The following TMC4 variants were observed in gnomAD, a reference collection of about 807,000 sequenced individuals.
TMC4 encodes the protein transmembrane channel like 4.
In TMC4, 70 loss-of-function variants were observed where a neutral mutation model predicts 82.0. That is an observed-to-expected ratio of 0.85 (90% CI 0.70 to 1.04). TMC4 has a LOEUF of 1.04. TMC4 is among the 50% of genes least tolerant of loss of function. The pLI, the probability that TMC4 is intolerant of heterozygous loss-of-function variation, is 0.00. For synonymous variants in TMC4, 446 were observed against 406.0 expected (o/e 1.10, Z -1.18); for missense variants, 879 against 899.0 (o/e 0.98, Z 0.28).
intron 5 of TMC4, 29 bp from the exon 6 acceptor site, chr19:54,165,595 G>C: frequency 1.3e-6 from 2 of 1,586,058 alleles, no homozygotes; most frequent in Non-Finnish European, 1.7e-6. Context: ...GAGACGGGAA[G>C]TGAAAGGACA....
intron 1 of TMC4, chr19:54,172,738 T>C (rs2576452): frequency 0.61 from 200,269 of 330,992 alleles, 61,526 homozygotes; most frequent in East Asian, 0.69. Flanking sequence ...GTCCAGGCTT[T>C]AACTTCCTTT....
At chr19:54,172,997 C>T in intron 1 of TMC4, 42 bp downstream of exon 1, 1 of 1,579,498 alleles carries the variant, frequency 6.3e-7, no homozygotes, top group Non-Finnish European at 8.7e-7. Flanking sequence ...CCCACCTAGC[C>T]TGAAGGTCGG....
chr19:54,162,798 G>A (rs1289796756), intron 9 of TMC4, 28 bp from the exon 10 acceptor site: 1 of 1,604,746 alleles, frequency 6.2e-7, no homozygotes, highest in Non-Finnish European at 8.5e-7. Context: ...ATATCAGAAA[G>A]AACTCGGGAC....
In TMC4 at chr19:54,162,702, T is replaced by C; in HGVS notation, c.1473A>G (p.Ala491=). The change falls in exon 10 of 15, where the codon GCA becomes GCG. Residue 491 remains alanine (A), a synonymous_variant. Transcript: ENST00000619895. ...TAGGAAACTGGATGAGCAGCGCGACTGCCAAGACAGTCAGCAGATCAAAGA... is the reference window on the plus strand; with the variant it reads ...TAGGAAACTGGATGAGCAGCGCGACCGCCAAGACAGTCAGCAGATCAAAGA... ...LLLFDLLTVL[A]VALLIQFPRK... 2 of 1,614,042 alleles carry C rather than the reference T, an allele frequency of 1.2e-6. No homozygotes were observed. The highest frequency in any genetic ancestry group is 2.7e-5 in the African/African-American group (2 of 75,024).
Position 54,160,501 on chromosome 19 carries a change from C to T in TMC4, c.2018G>A (p.Arg673His), listed in dbSNP as rs2075515312. 3 of 1,614,144 alleles carry T rather than the reference C, an allele frequency of 1.9e-6. No homozygotes were observed. The highest frequency in any genetic ancestry group is 2.5e-6 in the Non-Finnish European group (3 of 1,180,004). ...CTGACGTTTGAGCTCAGAGATGAGG[C>T]GTCCGTAGGAGTTAGCCAGAGCCAC... The part of the protein sequence containing the change: ...YTVALANSYG[R>H]LISELKRQRE... Residue 673 changes from arginine (R) to histidine (H), a missense_variant, in exon 14 of 15, where the codon CGC becomes CAC. Coordinates refer to ENST00000619895, the MANE Select transcript of TMC4 (RefSeq NM_144686.4).
At chr19:54,168,779 CTTTCTTTTCT>C (rs145368395) in intron 3 of TMC4, 99 bp from the exon 4 acceptor site, 10 of 343,896 alleles carry the variant, frequency 2.9e-5, no homozygotes, top group African/African-American at 1.9e-4. Context: ...TCCTTTCTTT[CTTTCTTTTCT>C]TTTCTTTCTT....
chr19:54,172,407 C>T, intron 1 of TMC4, among the ~76,000 whole-genome samples: 1 of 67,272 alleles, frequency 1.5e-5, no homozygotes. Flanking sequence ...CCCTCAGACC[C>T]AGGAGAACAG....
rs2075902418 is a variant in TMC4, at chr19:54,171,936, G to C, written c.227C>G (p.Thr76Arg). The C allele has an allele frequency of 1.2e-6, 2 of 1,613,716 alleles. No homozygotes were observed. The highest frequency in any genetic ancestry group is 1.7e-5 in the Admixed American group (1 of 59,970). The change falls in exon 2 of 15, where the codon ACA becomes AGA. Residue 76 changes from threonine to arginine, a missense_variant. Transcript: ENST00000619895. ...GGAAGGGTGAGGGTCCTGCAGCTCT[G>C]TCTGGGTGACTTCTGTGAAGGCCTT... ...SRKAFTEVTQ[T>R]ELQDPHPSRE... is the part of the protein sequence containing the mutation.
intron 1 of TMC4, 62 bp downstream of exon 1, chr19:54,172,977 C>A: frequency 6.8e-7 from 1 of 1,476,282 alleles, no homozygotes; most frequent in South Asian, 1.2e-5. Flanking sequence ...TTTCCTCCTC[C>A]AGCAGGACTC....
intron 8 of TMC4, 191 bp downstream of exon 8, chr19:54,163,533 C>T (rs1421362955): frequency 1.0e-5 from 7 of 693,336 alleles, no homozygotes; most frequent in Non-Finnish European, 5.0e-6. Context: ...GTCTCGAACT[C>T]CTGACCTCAG....
chr19:54,168,423 A>G (rs2075758419), intron 4 of TMC4, 25 bp downstream of exon 4: 1 of 1,526,704 alleles, frequency 6.6e-7, no homozygotes, highest in South Asian at 1.2e-5. Context: ...TGGGCGGGGA[A>G]TCCCCCAGGG....
chr19:54,162,600 T>G (rs1018763782), intron 10 of TMC4, 73 bp downstream of exon 10: 4 of 1,241,914 alleles, frequency 3.2e-6, no homozygotes, highest in Admixed American at 1.9e-5. Context: ...AGGTGCGCGG[T>G]GAAAAGAACA....
rs1264799441 is a variant in TMC4, at chr19:54,168,819, TTTCTTTTCTTTTCTTTTC to T, written c.443-157_443-140del. The T allele has an allele frequency of 3.4e-4, 40 of 116,974 alleles. 15 individuals are homozygous for T. The highest frequency in any genetic ancestry group is 4.6e-4 in the Non-Finnish European group (36 of 78,848). The allele number at this position is 116,974 out of a possible 1,614,324, so 7.2% of individuals were successfully genotyped here. ...TTTCTTTTCTTTTCTTTTCTTTTCTTTTCTTTTCTTTTCTTTTCTTTTCTTTTCTTTTCTTTTCTTTTC... is the reference window on the plus strand; with the variant it reads ...TTTCTTTTCTTTTCTTTTCTTTTCTTTTTTCTTTTCTTTTCTTTTCTTTTC... On this transcript the variant is annotated intron_variant, in intron 3 of 14. Coordinates refer to ENST00000619895, the MANE Select transcript of TMC4 (RefSeq NM_144686.4).
chr19:54,162,434 T>C (rs892455560), intron 10 of TMC4, 149 bp from the exon 11 acceptor site: 4 of 572,738 alleles, frequency 7.0e-6, no homozygotes, highest in Non-Finnish European at 1.1e-5. Flanking sequence ...GTGGAGGGGG[T>C]GTGTCCAGAG....
Position 54,165,431 on chromosome 19 carries a change from C to A in TMC4, c.933G>T (p.Leu311Phe). Reference protein sequence around the residue: ...VHVRLRQRIILYELKVELEET... With the variant: ...VHVRLRQRIIFYELKVELEET... ...TCCCTAATCGCACCTTTAATTCGTA[C>A]AAGATGATGCGCTGGCGCAGCCGCA... The change falls in exon 6 of 15, where the codon TTG (leucine) becomes TTT (phenylalanine). Residue 311 changes from leucine to phenylalanine, a missense_variant. Physicochemically the swap from Leu to Phe is conservative, Grantham distance 22. Coordinates refer to ENST00000619895, the MANE Select transcript of TMC4 (RefSeq NM_144686.4). 1 of 1,607,466 alleles carries A rather than the reference C, an allele frequency of 6.2e-7. No homozygotes were observed. Among genetic ancestry groups the A allele is most frequent in the Non-Finnish European group, 8.5e-7 (1 of 1,175,304 alleles).
In TMC4 at chr19:54,164,561, A is replaced by T; in HGVS notation, c.986T>A (p.Val329Glu). 6.2e-7 allele frequency: 1 copy of T among 1,613,720 alleles called. No homozygotes were observed. Among genetic ancestry groups the T allele is most frequent in the Non-Finnish European group, 8.5e-7 (1 of 1,179,986 alleles). ...CCTGGCTTGCTGGCCCAGCGTCCGCACCGCAGCCTGGCGCCGCACCACTGT... is the reference window on the plus strand; with the variant it reads ...CCTGGCTTGCTGGCCCAGCGTCCGCTCCGCAGCCTGGCGCCGCACCACTGT... The part of the protein sequence containing the change: ...EETVVRRQAA[V>E]RTLGQQARVW... Residue 329 changes from valine to glutamate, a missense_variant, in exon 7 of 15, where the codon GTG becomes GAG. Val to Glu is a moderately radical substitution (Grantham distance 121, BLOSUM62 -2). Transcript: ENST00000619895.
Position 54,165,484 on chromosome 19 carries a change from C to T in TMC4, c.880G>A (p.Asp294Asn), listed in dbSNP as rs752773628. 1.9e-6 allele frequency: 3 copies of T among 1,613,194 alleles called. No homozygotes were observed. The South Asian group carries it at 3.3e-5, about 18-fold the overall frequency. The change falls in exon 6 of 15, where the codon GAC becomes AAC. Residue 294 changes from aspartate to asparagine, a missense_variant. Coordinates refer to ENST00000619895, the MANE Select transcript of TMC4 (RefSeq NM_144686.4). ...SYSHRVFSAW[D>N]FGLCGDVHVR... ...TGGACGTCCCCGCAGAGACCGAAGT[C>T]CCAGGCCGAGAACACCCGGTGGCTG...
intron 1 of TMC4, chr19:54,172,700 T>C: frequency 3.5e-6 from 1 of 289,828 alleles, no homozygotes; most frequent in Non-Finnish European, 6.3e-6. Flanking sequence ...TCCCCAAGCG[T>C]GGAACCCTCC....
chr19:54,160,198 C>T lies in TMC4; in HGVS notation c.*108G>A. ...AGGGGCCCTGGAAATCTCCAGATAC[C>T]AAAGCTGGAAGGGCGTGGAGTCTTC... On this transcript the variant is annotated 3_prime_UTR_variant, in exon 15 of 15. Transcript: ENST00000619895. The T allele has an allele frequency of 8.0e-7, 1 of 1,256,330 alleles. No individual in the cohort carries two copies. The highest frequency in any genetic ancestry group is 3.0e-4 in the Middle Eastern group (1 of 3,324). The allele number at this position is 1,256,330 out of a possible 1,614,324, so 77.8% of individuals were successfully genotyped here. A position where few individuals can be genotyped will look rare whatever the true frequency, so the allele number is the denominator to read the frequency against.
Sources: allele counts gnomAD v4.1 joint callset (sites outside exome capture counted in the v4.1 genomes callset), GRCh38; gene constraint gnomAD v4.1.1; transcripts MANE v1.5; gene names NCBI Gene and HGNC (gene_info 2026-07-23, HGNC 2026-07-21).